The following DCC variants were observed in gnomAD, a reference collection of about 807,000 sequenced individuals.
DCC encodes the protein DCC netrin 1 receptor.
In DCC, 58 loss-of-function variants were observed where a neutral mutation model predicts 172.5. That is an observed-to-expected ratio of 0.34 (90% CI 0.27 to 0.42). DCC has a LOEUF of 0.42. Among genes scored for constraint, DCC ranks in the 10% least tolerant of loss-of-function variants. The pLI is 1.00. For synonymous variants in DCC, 709 were observed against 644.5 expected (o/e 1.10, Z -1.52); for missense variants, 1,740 against 1,791.0 (o/e 0.97, Z 0.51).
intron 1 of DCC, among the ~76,000 whole-genome samples, chr18:52,589,239 G>A (rs988267518): frequency 6.6e-6 from 1 of 152,184 alleles, no homozygotes; most frequent in African/African-American, 2.4e-5. Flanking sequence ...GCAAATATAT[G>A]TAGAATGATA....
At chr18:53,517,747 G>T (rs888872959) in intron 27 of DCC, among the ~76,000 whole-genome samples, 2 of 152,020 alleles carry the variant, frequency 1.3e-5, no homozygotes, top group Non-Finnish European at 1.5e-5. Context: ...TAAGAAGGTT[G>T]GGAGAAGAAC....
chr18:53,301,323 AG>A (rs1181982651), intron 12 of DCC, among the ~76,000 whole-genome samples: 2 of 151,934 alleles, frequency 1.3e-5, no homozygotes, highest in Non-Finnish European at 2.9e-5. Flanking sequence ...TCCTGACCAC[AG>A]GTGATCCACC....
intron 1 of DCC, among the ~76,000 whole-genome samples, chr18:52,418,800 A>G (rs1987137054): frequency 6.7e-6 from 1 of 150,188 alleles, no homozygotes; most frequent in Admixed American, 6.6e-5. Context: ...TAATCCTGTT[A>G]TTATCTAGTG....
At chr18:53,071,945 A>G (rs28735540) in intron 7 of DCC, among the ~76,000 whole-genome samples, 28 of 152,292 alleles carry the variant, frequency 1.8e-4, no homozygotes, top group African/African-American at 6.7e-4. Context: ...ACTGGCCAAC[A>G]TGGAGAAACC....
chr18:52,537,468 G>A (rs775514376), intron 1 of DCC, among the ~76,000 whole-genome samples: 62 of 152,268 alleles, frequency 4.1e-4, no homozygotes, highest in Non-Finnish European at 7.4e-4. Context: ...CGCCTGTTGA[G>A]GCTGCTGCCT....
Position 53,128,866 on chromosome 18 carries a change from CACACATATATATATATAT to C in DCC, c.1262-28488_1262-28471del, listed in dbSNP as rs1159589134. Among the ~76,000 whole-genome samples the C allele has an allele frequency of 1.2e-3, 105 of 86,906 alleles. 2 individuals carry two copies. Among genetic ancestry groups the C allele is most frequent in the East Asian group, 6.4e-3 (13 of 2,034 alleles). 57.0% of individuals were successfully genotyped at this position (86,906 alleles called of 152,430 possible). ...ACACACACACACACACACACACACA[CACACATATATATATATAT>C]ATATATATATATATATATATTATTT... On this transcript the variant is annotated intron_variant, in intron 7 of 28. Transcript: ENST00000442544.
chr18:53,099,943 C>CTTTTTTTTTTTTTTTT (rs533618559), intron 7 of DCC, among the ~76,000 whole-genome samples: 11 of 92,746 alleles, frequency 1.2e-4, no homozygotes, highest in African/African-American at 3.0e-4. Context: ...TTCTTTCTTT[C>CTTTTTTTTTTTTTTTT]TTTTTTTTTT....
rs910033130 is a variant in DCC, at chr18:52,421,698, A to G, written c.91+80820A>G. On this transcript the variant is annotated intron_variant, in intron 1 of 28. Transcript: ENST00000442544. ...AGTTACCAAGTGGTTCTGGCATGAG[A>G]AGCATTCTTGATTAATTCCCCAGGT... Among the ~76,000 whole-genome samples, 4 of 152,170 alleles carry G rather than the reference A, an allele frequency of 2.6e-5. 1 individual carries two copies. The highest frequency in any genetic ancestry group is 6.5e-5 in the Admixed American group (1 of 15,270).
chr18:52,806,403 T>C (rs1310725166), intron 2 of DCC, among the ~76,000 whole-genome samples: 6 of 152,228 alleles, frequency 3.9e-5, no homozygotes, highest in Non-Finnish European at 5.9e-5. Context: ...TACAAACTTA[T>C]TACATTGGTA....
intron 5 of DCC, among the ~76,000 whole-genome samples, chr18:53,010,422 T>A (rs1444114913): frequency 6.6e-6 from 1 of 151,780 alleles, no homozygotes; most frequent in Non-Finnish European, 1.5e-5. Context: ...CATATTTAGA[T>A]TTCAATCTAA....
chr18:52,696,535 A>C (rs2036014580), intron 1 of DCC, among the ~76,000 whole-genome samples: 1 of 152,204 alleles, frequency 6.6e-6, no homozygotes, highest in African/African-American at 2.4e-5. Context: ...AGCCTTCTAC[A>C]AACACTTACT....
chr18:52,844,128 C>T (rs1038014902), intron 2 of DCC, among the ~76,000 whole-genome samples: 1 of 152,102 alleles, frequency 6.6e-6, no homozygotes, highest in Admixed American at 6.6e-5. Flanking sequence ...AATTAATCCA[C>T]ATAACAGAGA....
In DCC at chr18:53,479,297, C is replaced by G. The variant is rs769601538; in HGVS notation, c.3737-7500C>G. 5.3e-4 allele frequency among the ~76,000 whole-genome samples: 80 copies of G among 152,196 alleles called. 1 individual carries two copies. The highest frequency in any genetic ancestry group is 1.3e-4 in the Non-Finnish European group (9 of 68,040). The stretch of plus-strand genomic sequence containing the variant: ...TTCGATGACATACTTCATTCCACCT[C>G]TTACTCTGAATTACTGAAAGGAACA... On this transcript the variant is annotated intron_variant, in intron 25 of 28. Transcript: ENST00000442544.
chr18:53,247,759 G>C (rs538626792), intron 12 of DCC, among the ~76,000 whole-genome samples: 2 of 152,028 alleles, frequency 1.3e-5, no homozygotes, highest in African/African-American at 4.8e-5. Context: ...ACTCTTGCTT[G>C]GAAACTAGTC....
intron 27 of DCC, among the ~76,000 whole-genome samples, chr18:53,506,699 A>C (rs1024863467): frequency 6.6e-6 from 1 of 152,082 alleles, no homozygotes; most frequent in African/African-American, 2.4e-5. Flanking sequence ...CTCTACTAAA[A>C]TACAAAAAAT....
intron 5 of DCC, among the ~76,000 whole-genome samples, chr18:52,928,488 A>G (rs2040253689): frequency 6.6e-6 from 1 of 152,214 alleles, no homozygotes. Context: ...TACAGTTAAT[A>G]TGCATTAGTA....
chr18:52,630,793 C>T (rs1262433312), intron 1 of DCC, among the ~76,000 whole-genome samples: 1 of 152,154 alleles, frequency 6.6e-6, no homozygotes, highest in Non-Finnish European at 1.5e-5. Context: ...TTAAACATTA[C>T]TCCTTTGATT....
intron 1 of DCC, among the ~76,000 whole-genome samples, chr18:52,353,058 A>G (rs1325626619): frequency 6.6e-6 from 1 of 152,108 alleles, no homozygotes; most frequent in Non-Finnish European, 1.5e-5. Context: ...CCCCTACCAC[A>G]CTAGTTTTTC....
At chr18:52,794,486 T>C (rs1220875276) in intron 2 of DCC, among the ~76,000 whole-genome samples, 1 of 152,122 alleles carries the variant, frequency 6.6e-6, no homozygotes, top group Non-Finnish European at 1.5e-5. Flanking sequence ...TTTTTGTATG[T>C]TGTTTTTGTA....
Sources: allele counts gnomAD v4.1 joint callset (sites outside exome capture counted in the v4.1 genomes callset), GRCh38; gene constraint gnomAD v4.1.1; transcripts MANE v1.5; gene names NCBI Gene and HGNC (gene_info 2026-07-23, HGNC 2026-07-21).